The following APBA1 variants were observed in gnomAD, a reference collection of about 807,000 sequenced individuals.
APBA1 encodes the protein amyloid beta precursor protein binding family A member 1.
A neutral mutation model predicts 86.6 loss-of-function variants in APBA1; 55 were observed. That is an observed-to-expected ratio of 0.64 (90% CI 0.51 to 0.80). The LOEUF is 0.80. APBA1 is among the 30% of genes least tolerant of loss of function. The pLI is 0.00. For synonymous variants in APBA1, 511 were observed against 493.9 expected (o/e 1.03, Z -0.46); for missense variants, 1,090 against 1,183.0 (o/e 0.92, Z 1.15).
intron 1 of APBA1, among the ~76,000 whole-genome samples, chr9:69,635,016 T>C (rs1588404389): frequency 6.6e-6 from 1 of 151,960 alleles, no homozygotes; most frequent in East Asian, 1.9e-4. Flanking sequence ...TAATGAACAA[T>C]AAGAAATCAT....
intron 1 of APBA1, among the ~76,000 whole-genome samples, chr9:69,603,648 G>A (rs1201362736): frequency 6.6e-6 from 1 of 152,262 alleles, no homozygotes; most frequent in Non-Finnish European, 1.5e-5. Context: ...GAGAATTAGT[G>A]ATTAAAGTGA....
intron 1 of APBA1, among the ~76,000 whole-genome samples, chr9:69,588,303 G>T (rs748029217): frequency 3.9e-5 from 6 of 151,992 alleles, no homozygotes; most frequent in Admixed American, 6.6e-5. Flanking sequence ...GACAGTGGGA[G>T]AATTAAAGAG....
intron 1 of APBA1, among the ~76,000 whole-genome samples, chr9:69,629,334 A>G (rs1381602061): frequency 6.6e-6 from 1 of 152,328 alleles, no homozygotes; most frequent in East Asian, 1.9e-4. Flanking sequence ...TAACCATTAT[A>G]TATGCTACAG....
rs10156493 is a variant in APBA1, at chr9:69,594,310, T to C, written c.-69-77031A>G. ...ATGGGGCCCAAGAGTCTGCCAAGTG[T>C]CGCTGATGCTGCTGTTCTGCACAGC... On this transcript the variant is annotated intron_variant, in intron 1 of 12. Transcript: ENST00000265381. Among the ~76,000 whole-genome samples, 546 of 152,276 alleles carry C rather than the reference T, an allele frequency of 3.6e-3. 3 individuals are homozygous for C. Among genetic ancestry groups the C allele is most frequent in the African/African-American group, 0.013 (535 of 41,558 alleles).
chr9:69,616,180 C>A (rs1822696214), intron 1 of APBA1, among the ~76,000 whole-genome samples: 1 of 152,198 alleles, frequency 6.6e-6, no homozygotes, highest in Non-Finnish European at 1.5e-5. Context: ...TGATTACTCT[C>A]TGCTTTAATT....
In APBA1 at chr9:69,516,481, CG is replaced by C; in HGVS notation, c.729del (p.Asp243GlufsTer31). 1.2e-6 allele frequency: 2 copies of C among 1,600,010 alleles called. No individual in the cohort carries two copies. The highest frequency in any genetic ancestry group is 1.7e-6 in the Non-Finnish European group (2 of 1,178,284). On this transcript the variant is annotated frameshift_variant, in exon 2 of 13. Transcript: ENST00000265381. LOFTEE classifies it high-confidence loss of function. This position sits in a 1 kb window ranked among gnomAD's most constrained non-coding sequence, Gnocchi z 7.3. Reference protein sequence around the residue: ...ARLHHYDERSDGESDSPEKEA... With the variant: ...ARLHHYDERSXGESDSPEKEA... The stretch of plus-strand genomic sequence containing the variant: ...TCCTTCTCGGGGCTGTCGGACTCGC[CG>C]TCGGAGCGCTCGTCGTAATGGTGCA...
intron 1 of APBA1, among the ~76,000 whole-genome samples, chr9:69,641,665 G>A (rs1208089742): frequency 6.6e-6 from 1 of 151,934 alleles, no homozygotes; most frequent in African/African-American, 2.4e-5. Context: ...TCAAAAAAGG[G>A]GTATTAGAAC....
chr9:69,611,182 C>T (rs1409937713), intron 1 of APBA1, among the ~76,000 whole-genome samples: 1 of 147,612 alleles, frequency 6.8e-6, no homozygotes, highest in Non-Finnish European at 1.5e-5. Context: ...ACTGCTTAGA[C>T]TTTCATATCA....
intron 1 of APBA1, among the ~76,000 whole-genome samples, chr9:69,661,574 G>A (rs149192211): frequency 1.3e-3 from 194 of 150,506 alleles, no homozygotes; most frequent in Middle Eastern, 3.4e-3. Flanking sequence ...GAGAGATGTC[G>A]GTGCAACAGT....
At chr9:69,615,703 C>G (rs1326320289) in intron 1 of APBA1, among the ~76,000 whole-genome samples, 1 of 152,172 alleles carries the variant, frequency 6.6e-6, no homozygotes, top group Non-Finnish European at 1.5e-5. Flanking sequence ...GCATTGTTTT[C>G]AAGTTCTTAT....
intron 1 of APBA1, among the ~76,000 whole-genome samples, chr9:69,577,360 G>A (rs1482711702): frequency 1.3e-5 from 2 of 152,180 alleles, no homozygotes; most frequent in Admixed American, 1.3e-4. Flanking sequence ...ATGAGACTGA[G>A]GGAAAACTAG....
rs898831066 is a variant in APBA1 at position 69,435,549 on chromosome 9, T to C, written c.2302-2873A>G. ...TTTGCATTTCTCTGATGGCCAGTGA[T>C]GATGAGCATTTTTTCATGTGTCTTT... On this transcript the variant is annotated intron_variant, in intron 11 of 12. Coordinates refer to ENST00000265381, the MANE Select transcript of APBA1 (RefSeq NM_001163.4). Among the ~76,000 whole-genome samples the C allele has an allele frequency of 2.0e-3, 307 of 152,372 alleles. 2 individuals carry two copies. The highest frequency in any genetic ancestry group is 3.6e-3 in the Non-Finnish European group (242 of 68,032).
chr9:69,565,070 A>T (rs1270834934), intron 1 of APBA1, among the ~76,000 whole-genome samples: 1 of 152,240 alleles, frequency 6.6e-6, no homozygotes, highest in Non-Finnish European at 1.5e-5. Context: ...GCAAGGGCAT[A>T]AAGCTAAGAG....
chr9:69,644,493 C>CCATTCA (rs1267267277), intron 1 of APBA1, among the ~76,000 whole-genome samples: 2 of 152,134 alleles, frequency 1.3e-5, no homozygotes, highest in Non-Finnish European at 2.9e-5. Context: ...CCTCTTTAGC[C>CCATTCA]CATTCACATT....
chr9:69,553,960 G>A (rs966736667), intron 1 of APBA1, among the ~76,000 whole-genome samples: 1 of 152,090 alleles, frequency 6.6e-6, no homozygotes, highest in African/African-American at 2.4e-5. Context: ...CCAGGTCTTA[G>A]AAAACAACAG....
chr9:69,502,868 C>T (rs1293556598), intron 2 of APBA1, among the ~76,000 whole-genome samples: 4 of 152,116 alleles, frequency 2.6e-5, no homozygotes, highest in Non-Finnish European at 4.4e-5. Flanking sequence ...ACTAAGCACA[C>T]TATCAAGCCC....
intron 2 of APBA1, among the ~76,000 whole-genome samples, chr9:69,492,257 C>T (rs992489083): frequency 3.9e-5 from 6 of 152,034 alleles, no homozygotes; most frequent in Admixed American, 3.9e-4. Context: ...AGCTAGCACC[C>T]ACCTCCCGGG....
intron 1 of APBA1, among the ~76,000 whole-genome samples, chr9:69,526,653 C>A (rs1183929604): frequency 6.6e-6 from 1 of 151,984 alleles, no homozygotes; most frequent in Non-Finnish European, 1.5e-5. Flanking sequence ...CTGTGGAAAG[C>A]AGTTTGGAGA....
rs2134030460 is a variant in APBA1, at chr9:69,665,836, A to G, written c.-70+6317T>C. Among the ~76,000 whole-genome samples the G allele has an allele frequency of 1.3e-5, 2 of 152,250 alleles. 1 individual carries two copies. Among genetic ancestry groups the G allele is most frequent in the South Asian group, 4.1e-4 (2 of 4,822 alleles). The stretch of plus-strand genomic sequence containing the variant: ...CTGCAACCTCTGCCTCCCAGGTTCA[A>G]GCAATTCTCCTGCCTCAGCCTCCCA... On this transcript the variant is annotated intron_variant, in intron 1 of 12. Coordinates refer to ENST00000265381, the MANE Select transcript of APBA1 (RefSeq NM_001163.4).
Sources: gnomAD v4.1 joint callset for allele counts (sites outside exome capture counted in the v4.1 genomes callset) on GRCh38, gnomAD v4.1.1 for gene constraint, Gnocchi (gnomAD v3.1) non-coding constraint, MANE v1.5 for transcripts, NCBI Gene and HGNC (gene_info 2026-07-23, HGNC 2026-07-21) for gene names.